Variants in HCN1 observed in about 807,000 individuals in gnomAD.
HCN1 encodes hyperpolarization activated cyclic nucleotide gated potassium channel 1, also known as potassium/sodium hyperpolarization-activated cyclic nucleotide-gated channel 1.
HCN1 carries 13 observed loss-of-function variants against 78.9 expected under a neutral mutation model. That is an observed-to-expected ratio of 0.16 (90% confidence interval 0.11 to 0.26). The LOEUF (loss-of-function observed/expected upper bound fraction) is 0.26. HCN1 is among the 10% of genes least tolerant of loss of function. The probability of loss-of-function intolerance (pLI) is 1.00; values close to 1 mark genes in which losing one functional copy is unlikely to be tolerated. For synonymous variants in HCN1, 552 were observed against 455.5 expected (o/e 1.21, Z -2.70); for missense variants, 810 against 1,154.3 (o/e 0.70, Z 4.32).
At chr5:45,337,896 A>G (rs939353917) in intron 5 of HCN1, among the ~76,000 whole-genome samples, 2 of 152,138 alleles carry the variant, frequency 1.3e-5, no homozygotes, top group Non-Finnish European at 2.9e-5. Context: ...CTAACACACA[A>G]AAAAAGATAA....
chr5:45,589,957 T>G (rs145299159), intron 2 of HCN1, among the ~76,000 whole-genome samples: 6 of 152,326 alleles, frequency 3.9e-5, no homozygotes, highest in Non-Finnish European at 8.8e-5. Context: ...CTACCTAGTC[T>G]ATTTAGAAAA....
At chr5:45,459,033 A>T (rs1741088067) in intron 3 of HCN1, among the ~76,000 whole-genome samples, 1 of 152,102 alleles carries the variant, frequency 6.6e-6, no homozygotes, top group Non-Finnish European at 1.5e-5. Context: ...TTCAAGGTCA[A>T]ATGATACCAT....
At chr5:45,560,535 C>T (rs11739988) in intron 2 of HCN1, among the ~76,000 whole-genome samples, 1 of 151,648 alleles carries the variant, frequency 6.6e-6, no homozygotes, top group Non-Finnish European at 1.5e-5. Context: ...AAAGGAGACC[C>T]TAAATATTTT....
chr5:45,572,115 T>C (rs1743848945), intron 2 of HCN1, among the ~76,000 whole-genome samples: 1 of 152,154 alleles, frequency 6.6e-6, no homozygotes, highest in African/African-American at 2.4e-5. Context: ...ACACATTATA[T>C]CTATTGTTAT....
At chr5:45,564,209 A>T (rs893778471) in intron 2 of HCN1, among the ~76,000 whole-genome samples, 5 of 151,964 alleles carry the variant, frequency 3.3e-5, no homozygotes, top group Non-Finnish European at 7.4e-5. Flanking sequence ...TTTGTCTCCC[A>T]CTAAGTAAAA....
At chr5:45,496,900 C>G (rs1282030761) in intron 2 of HCN1, among the ~76,000 whole-genome samples, 1 of 152,072 alleles carries the variant, frequency 6.6e-6, no homozygotes, top group Non-Finnish European at 1.5e-5. Flanking sequence ...CTGGTATACT[C>G]TGTCTTTGTT....
At chr5:45,480,571 C>T (rs1219288785) in intron 2 of HCN1, among the ~76,000 whole-genome samples, 1 of 152,026 alleles carries the variant, frequency 6.6e-6, no homozygotes, top group Admixed American at 6.5e-5. Flanking sequence ...GATTGAGACA[C>T]TCAAATGAGA....
At chr5:45,294,025 G>A (rs1025568060) in intron 6 of HCN1, among the ~76,000 whole-genome samples, 4 of 151,994 alleles carry the variant, frequency 2.6e-5, no homozygotes, top group Non-Finnish European at 5.9e-5. Flanking sequence ...TCTTCTTCCT[G>A]CTCCTCATAA....
intron 3 of HCN1, among the ~76,000 whole-genome samples, chr5:45,439,152 T>A (rs192714704): frequency 2.0e-5 from 3 of 152,138 alleles, no homozygotes; most frequent in Non-Finnish European, 4.4e-5. Context: ...AATATGATTA[T>A]CTTGTTTATT....
chr5:45,461,211 A>C (rs1446392348), intron 3 of HCN1, among the ~76,000 whole-genome samples: 1 of 152,068 alleles, frequency 6.6e-6, no homozygotes, highest in African/African-American at 2.4e-5. Context: ...GTGTTGCATT[A>C]TATAGATCAA....
In HCN1 at chr5:45,438,753, T is replaced by C. The variant is rs78076014; in HGVS notation, c.1011+23093A>G. On this transcript the variant is annotated intron_variant, in intron 3 of 7. Coordinates refer to ENST00000303230, the MANE Select transcript of HCN1 (RefSeq NM_021072.4). ...AAAATTGGAATCAGTTATGTATACTTTGGAGTTAGTAAAAATTAAATGAGA... is the reference window on the plus strand; with the variant it reads ...AAAATTGGAATCAGTTATGTATACTCTGGAGTTAGTAAAAATTAAATGAGA... Among the ~76,000 whole-genome samples, 75 of 152,268 alleles carry C rather than the reference T, an allele frequency of 4.9e-4. 1 individual carries two copies. The highest frequency in any genetic ancestry group is 8.7e-4 in the Non-Finnish European group (59 of 68,016).
chr5:45,294,917 C>G (rs1158389350), intron 6 of HCN1, among the ~76,000 whole-genome samples: 2 of 152,060 alleles, frequency 1.3e-5, no homozygotes, highest in Admixed American at 1.3e-4. Flanking sequence ...CTGGGTTTCT[C>G]CCTTCTCAAG....
chr5:45,320,530 C>T (rs1268471168), intron 5 of HCN1, among the ~76,000 whole-genome samples: 1 of 151,606 alleles, frequency 6.6e-6, no homozygotes, highest in Non-Finnish European at 1.5e-5. Flanking sequence ...GTATTACTGC[C>T]CCATTTTGTA....
chr5:45,431,105 T>G (rs947306160), intron 3 of HCN1, among the ~76,000 whole-genome samples: 3 of 152,174 alleles, frequency 2.0e-5, no homozygotes, highest in African/African-American at 7.2e-5. Context: ...CAGCATCTGT[T>G]ATTTTTTGGC....
intron 2 of HCN1, among the ~76,000 whole-genome samples, chr5:45,602,944 T>C (rs963693741): frequency 6.6e-6 from 1 of 152,116 alleles, no homozygotes; most frequent in Admixed American, 6.6e-5. Context: ...TCAACAAAAG[T>C]AAACTAATCC....
At chr5:45,542,327 G>C (rs1743121485) in intron 2 of HCN1, among the ~76,000 whole-genome samples, 1 of 151,898 alleles carries the variant, frequency 6.6e-6, no homozygotes, top group Non-Finnish European at 1.5e-5. Flanking sequence ...CCAATAAGTT[G>C]ATTAATGCTT....
chr5:45,363,893 C>T (rs1157465688), intron 4 of HCN1, among the ~76,000 whole-genome samples: 1 of 151,982 alleles, frequency 6.6e-6, no homozygotes, highest in Non-Finnish European at 1.5e-5. Context: ...TTCCCAGTCT[C>T]GGGTATGTCT....
intron 5 of HCN1, among the ~76,000 whole-genome samples, chr5:45,346,423 C>A (rs1746710087): frequency 1.3e-5 from 2 of 152,152 alleles, no homozygotes; most frequent in South Asian, 2.1e-4. Flanking sequence ...TCTACAGCTC[C>A]CAGCGTGAGT....
At chr5:45,611,576 C>T (rs1744838511) in intron 2 of HCN1, among the ~76,000 whole-genome samples, 2 of 151,908 alleles carry the variant, frequency 1.3e-5, no homozygotes, top group Admixed American at 6.6e-5. Context: ...CTGGCCCCTA[C>T]CATTACATTC....
Sources: allele counts gnomAD v4.1 joint callset (sites outside exome capture counted in the v4.1 genomes callset), GRCh38; gene constraint gnomAD v4.1.1; transcripts MANE v1.5; gene names NCBI Gene and HGNC (gene_info 2026-07-23, HGNC 2026-07-21).